TMCO5A: variants seen among roughly 807,000 people sequenced by gnomAD.
TMCO5A encodes transmembrane and coiled-coil domains 5A, also known as transmembrane and coiled-coil domain-containing protein 5A.
Under a neutral mutation model 42.3 loss-of-function variants are expected in TMCO5A, and 34 were observed. That is an observed-to-expected ratio of 0.80 (90% CI 0.61 to 1.07). TMCO5A has a LOEUF of 1.07. Among genes scored for constraint, TMCO5A ranks in the 50% least tolerant of loss-of-function variants. The probability of loss-of-function intolerance (pLI) is 0.00; values close to 1 mark genes in which losing one functional copy is unlikely to be tolerated. For synonymous variants in TMCO5A, 131 were observed against 115.6 expected (o/e 1.13, Z -0.86); for missense variants, 357 against 327.9 (o/e 1.09, Z -0.69).
chr15:37,998,569 T>C, the TMCO5A span, among the ~76,000 whole-genome samples: 1 of 152,332 alleles, frequency 6.6e-6, no homozygotes, highest in South Asian at 2.1e-4. Flanking sequence ...TGTCTGTTTT[T>C]ATGCCAGTAT....
chr15:38,016,051 A>G, the TMCO5A span, among the ~76,000 whole-genome samples: 1 of 152,114 alleles, frequency 6.6e-6, no homozygotes. Context: ...CCAAATGTAA[A>G]CTACGGACTT....
intron 11 of TMCO5A, among the ~76,000 whole-genome samples, chr15:37,949,204 A>T (rs1300280013): frequency 6.6e-6 from 1 of 152,176 alleles, no homozygotes; most frequent in Non-Finnish European, 1.5e-5. Context: ...AAAATGTTAC[A>T]GATAACATGA....
downstream of TMCO5A, among the ~76,000 whole-genome samples, chr15:37,969,530 G>T (rs1230373060): frequency 6.6e-6 from 1 of 152,118 alleles, no homozygotes; most frequent in Admixed American, 6.6e-5. Flanking sequence ...TTCCAATAAA[G>T]TTCTGCTTTT....
the TMCO5A span, among the ~76,000 whole-genome samples, chr15:37,973,050 C>A: frequency 1.3e-5 from 2 of 151,902 alleles, no homozygotes; most frequent in African/African-American, 4.8e-5. Context: ...TCCCCATTGC[C>A]TGTTTTGTCA....
At chr15:37,993,512 C>T in the TMCO5A span, 1 of 151,974 alleles carries the variant, frequency 6.6e-6, no homozygotes, top group Non-Finnish European at 1.5e-5. Flanking sequence ...CTCTGAATTT[C>T]TCTGTATATG....
At chr15:37,964,557 C>T (rs1890511726) in intron 11 of TMCO5A, among the ~76,000 whole-genome samples, 1 of 151,934 alleles carries the variant, frequency 6.6e-6, no homozygotes, top group South Asian at 2.1e-4. Context: ...GCAATCTAGT[C>T]CTGCCTCCCA....
At chr15:37,990,202 T>A in the TMCO5A span, among the ~76,000 whole-genome samples, 1 of 152,140 alleles carries the variant, frequency 6.6e-6, no homozygotes, top group Non-Finnish European at 1.5e-5. Flanking sequence ...CTGGTTGTTC[T>A]ATCCATTACT....
downstream of TMCO5A, among the ~76,000 whole-genome samples, chr15:37,953,680 A>G (rs887580807): frequency 1.3e-5 from 2 of 152,066 alleles, no homozygotes; most frequent in African/African-American, 4.8e-5. Context: ...ACAGGCATCA[A>G]AAACATCCAG....
chr15:37,945,180 C>T (rs1218170925), intron 10 of TMCO5A, among the ~76,000 whole-genome samples: 6 of 152,054 alleles, frequency 3.9e-5, no homozygotes, highest in African/African-American at 1.2e-4. Context: ...TCCAATACCA[C>T]CCATGTCCCT....
chr15:37,937,095 A>G, intron 4 of TMCO5A, 125 bp downstream of exon 4: 1 of 1,444,516 alleles, frequency 6.9e-7, no homozygotes, highest in Non-Finnish European at 9.3e-7. Context: ...AAGTCATGAT[A>G]AAATTTGTCC....
At chr15:38,012,712 T>A in the TMCO5A span, among the ~76,000 whole-genome samples, 1 of 152,166 alleles carries the variant, frequency 6.6e-6, no homozygotes, top group Non-Finnish European at 1.5e-5. Context: ...AGGAGGCTGA[T>A]GAGAAGTGAT....
chr15:37,983,524 AACCCCAACCT>A, the TMCO5A span, among the ~76,000 whole-genome samples: 4 of 152,168 alleles, frequency 2.6e-5, no homozygotes, highest in Non-Finnish European at 4.4e-5. Flanking sequence ...TGAAGGGAGA[AACCCCAACCT>A]TGACTACATT....
chr15:38,007,872 C>CTTTTTTTTTTTTTTT, the TMCO5A span, among the ~76,000 whole-genome samples: 3 of 47,366 alleles, frequency 6.3e-5, 1 homozygote, highest in African/African-American at 1.6e-4. Flanking sequence ...CTCACCCACA[C>CTTTTTTTTTTTTTTT]TTTTTTTTTT....
the TMCO5A span, among the ~76,000 whole-genome samples, chr15:37,978,924 G>A: frequency 6.6e-6 from 1 of 151,856 alleles, no homozygotes; most frequent in Admixed American, 6.6e-5. Flanking sequence ...GGCAGGAGCA[G>A]GACCAAGGTG....
chr15:37,990,083 G>GA, the TMCO5A span, among the ~76,000 whole-genome samples: 1 of 152,074 alleles, frequency 6.6e-6, no homozygotes, highest in Non-Finnish European at 1.5e-5. Context: ...ATGAACCTGA[G>GA]AAGAATGTTA....
Position 37,965,747 on chromosome 15 carries a change from G to A in TMCO5A, c.669-878G>A, listed in dbSNP as rs192868958. ...CAGTTAAAATGGCTTTATCCAAAAA[G>A]GCAATAACAAATACTGGCAAAGATA... On this transcript the variant is annotated intron_variant, in intron 11 of 11. Transcript: ENST00000559502. Among the ~76,000 whole-genome samples the A allele has an allele frequency of 2.0e-5, 3 of 152,084 alleles. No individual in the cohort carries two copies. In the East Asian group the frequency reaches 5.8e-4, roughly 29 times the overall value.
At chr15:37,946,088 C>T (rs1889941241) in intron 10 of TMCO5A, among the ~76,000 whole-genome samples, 2 of 152,124 alleles carry the variant, frequency 1.3e-5, no homozygotes, top group Non-Finnish European at 2.9e-5. Context: ...CTGTATATGG[C>T]TAGCCAGTTT....
chr15:37,975,797 G>A, the TMCO5A span, among the ~76,000 whole-genome samples: 45 of 151,216 alleles, frequency 3.0e-4, no homozygotes, highest in South Asian at 9.3e-3. Flanking sequence ...AGACTTGATT[G>A]CCTAGGCTGC....
At chr15:37,948,020 T>G (rs1890023803) in intron 11 of TMCO5A, among the ~76,000 whole-genome samples, 1 of 152,102 alleles carries the variant, frequency 6.6e-6, no homozygotes, top group Non-Finnish European at 1.5e-5. Context: ...ACAATTTGGA[T>G]TAGCTTGATG....
Sources: allele counts gnomAD v4.1 joint callset (sites outside exome capture counted in the v4.1 genomes callset), GRCh38; gene constraint gnomAD v4.1.1; transcripts MANE v1.5; gene names NCBI Gene and HGNC (gene_info 2026-07-23, HGNC 2026-07-21).